The following MALRD1 variants were observed in gnomAD, a reference collection of about 807,000 sequenced individuals.
MALRD1 encodes the protein MAM and LDL-receptor class A domain-containing protein 1.
Under a neutral mutation model 242.1 loss-of-function variants are expected in MALRD1, and 247 were observed. That is an observed-to-expected ratio of 1.02 (90% CI 0.92 to 1.13). The LOEUF is 1.13. Among genes scored for constraint, MALRD1 ranks in the 50% most tolerant of loss-of-function variants. The pLI is 0.00. For missense variants in MALRD1, 2,989 were observed against 2,533.1 expected, an observed-to-expected ratio of 1.18 and a Z score of -3.86; for synonymous variants, 995 against 866.6, an observed-to-expected ratio of 1.15 and a Z score of -2.60.
intron 33 of MALRD1, among the ~76,000 whole-genome samples, chr10:19,586,875 G>A (rs1487808832): frequency 3.3e-5 from 5 of 152,212 alleles, no homozygotes; most frequent in South Asian, 4.1e-4. Context: ...AGCAATCAGC[G>A]AGACTCCGTG....
At chr10:19,204,592 GT>G (rs1461646416) in intron 16 of MALRD1, among the ~76,000 whole-genome samples, 179 bp downstream of exon 16, 1 of 152,050 alleles carries the variant, frequency 6.6e-6, no homozygotes, top group African/African-American at 2.4e-5. Flanking sequence ...CTCAGTATAT[GT>G]TGTTTTCTTT....
At chr10:19,119,579 C>T (rs866019247) in intron 5 of MALRD1, among the ~76,000 whole-genome samples, 1 of 152,202 alleles carries the variant, frequency 6.6e-6, no homozygotes, top group Middle Eastern at 3.4e-3. Context: ...ATCAGATGAG[C>T]CAATTTATTG....
At chr10:19,083,040 G>C (rs1290995076) in intron 2 of MALRD1, among the ~76,000 whole-genome samples, 1 of 151,960 alleles carries the variant, frequency 6.6e-6, no homozygotes, top group African/African-American at 2.4e-5. Flanking sequence ...AAATCTCGAG[G>C]CCTTCTTTTA....
chr10:19,721,536 G>A (rs929110791), intron 38 of MALRD1: 7 of 151,742 alleles, frequency 4.6e-5, no homozygotes, highest in African/African-American at 1.7e-4. Context: ...TTATGGTTAG[G>A]AAACATCTCT....
intron 36 of MALRD1, among the ~76,000 whole-genome samples, chr10:19,628,368 T>C (rs1226660433): frequency 1.3e-5 from 2 of 152,148 alleles, no homozygotes; most frequent in African/African-American, 2.4e-5. Flanking sequence ...GGCCTCAGCA[T>C]TTTGCAATAG....
intron 32 of MALRD1, among the ~76,000 whole-genome samples, chr10:19,544,031 T>TC (rs377590073): frequency 6.6e-6 from 1 of 152,208 alleles, no homozygotes; most frequent in Non-Finnish European, 1.5e-5. Flanking sequence ...GTGTTTTTTT[T>TC]CACACAATCT....
At chr10:19,077,634 C>T (rs1222039353) in intron 2 of MALRD1, among the ~76,000 whole-genome samples, 1 of 151,880 alleles carries the variant, frequency 6.6e-6, no homozygotes, top group African/African-American at 2.4e-5. Flanking sequence ...CTTGTTTTTA[C>T]AGTAGACTCT....
intron 19 of MALRD1, among the ~76,000 whole-genome samples, chr10:19,267,880 G>A (rs757880011): frequency 3.3e-5 from 5 of 152,040 alleles, no homozygotes; most frequent in Non-Finnish European, 5.9e-5. Flanking sequence ...AGCTTCTTTG[G>A]TGTAGTCTGT....
At chr10:19,214,504 A>T (rs998142915) in intron 18 of MALRD1, among the ~76,000 whole-genome samples, 34 of 152,218 alleles carry the variant, frequency 2.2e-4, no homozygotes, top group African/African-American at 7.5e-4. Flanking sequence ...CTTGCTTAAG[A>T]TAATTTTCAG....
intron 19 of MALRD1, among the ~76,000 whole-genome samples, chr10:19,267,106 A>G (rs1387796078): frequency 6.6e-6 from 1 of 152,086 alleles, no homozygotes; most frequent in Non-Finnish European, 1.5e-5. Flanking sequence ...GTTTATTTAG[A>G]AAAATAAAAC....
intron 28 of MALRD1, among the ~76,000 whole-genome samples, chr10:19,419,646 T>C (rs1833644858): frequency 6.6e-6 from 1 of 152,044 alleles, no homozygotes; most frequent in Admixed American, 6.6e-5. Context: ...AATGGAAAAA[T>C]CCTTTTACTC....
intron 19 of MALRD1, among the ~76,000 whole-genome samples, chr10:19,277,772 AACT>A (rs1222445421): frequency 1.3e-5 from 2 of 152,202 alleles, no homozygotes; most frequent in African/African-American, 4.8e-5. Flanking sequence ...CTAAGAAATA[AACT>A]ACTAGTTATT....
chr10:19,559,068 A>G (rs937984800), intron 32 of MALRD1, among the ~76,000 whole-genome samples: 9 of 151,956 alleles, frequency 5.9e-5, no homozygotes, highest in Non-Finnish European at 1.2e-4. Flanking sequence ...CTGTGATCCC[A>G]GTTACTCAGG....
chr10:19,066,903 T>C, intron 2 of MALRD1, 44 bp downstream of exon 2: 1 of 1,217,730 alleles, frequency 8.2e-7, no homozygotes, highest in Non-Finnish European at 1.0e-6. Flanking sequence ...CCCTTCCTCC[T>C]TTCCTTCCTT....
chr10:19,649,998 C>G (rs1437853901), intron 36 of MALRD1, among the ~76,000 whole-genome samples: 2 of 152,034 alleles, frequency 1.3e-5, no homozygotes, highest in Admixed American at 1.3e-4. Context: ...TTCCCCATTG[C>G]TTGTTTTTGT....
intron 36 of MALRD1, among the ~76,000 whole-genome samples, chr10:19,666,130 G>C (rs751571098): frequency 1.3e-5 from 2 of 152,028 alleles, no homozygotes; most frequent in African/African-American, 4.8e-5. Context: ...TACCCTGTTT[G>C]CTACTCCTCA....
chr10:19,581,714 T>C (rs2131509616), intron 33 of MALRD1, among the ~76,000 whole-genome samples: 1 of 150,592 alleles, frequency 6.6e-6, no homozygotes, highest in East Asian at 2.0e-4. Flanking sequence ...GCATGATTTA[T>C]AGTCCTTTGG....
intron 26 of MALRD1, among the ~76,000 whole-genome samples, chr10:19,375,163 A>G (rs1255467124): frequency 6.6e-6 from 1 of 152,164 alleles, no homozygotes; most frequent in Admixed American, 6.5e-5. Flanking sequence ...TAGAAACACA[A>G]CTTATTCTAG....
chr10:19,540,323 A>G (rs1045713580), intron 32 of MALRD1, among the ~76,000 whole-genome samples: 2 of 133,406 alleles, frequency 1.5e-5, no homozygotes, highest in Admixed American at 8.0e-5. Context: ...TCTTAAATGC[A>G]GAATGACTGT....
Sources: gnomAD v4.1 joint callset for allele counts (sites outside exome capture counted in the v4.1 genomes callset) on GRCh38, gnomAD v4.1.1 for gene constraint, MANE v1.5 for transcripts, NCBI Gene and HGNC (gene_info 2026-07-23, HGNC 2026-07-21) for gene names.